GBE1: variants seen among roughly 807,000 people sequenced by gnomAD.
GBE1 encodes 1,4-alpha-glucan branching enzyme 1, also known as 1,4-alpha-glucan-branching enzyme.
In GBE1, 70 loss-of-function variants were observed where a neutral mutation model predicts 88.8. The ratio of observed to expected loss-of-function variants is 0.79; its 90% CI spans 0.65 to 0.96. The LOEUF (loss-of-function observed/expected upper bound fraction) is 0.96, where lower values mean the gene tolerates loss of function less well. GBE1 is among the 40% of genes least tolerant of loss of function. The probability of loss-of-function intolerance (pLI) is 0.00; values close to 1 mark genes in which losing one functional copy is unlikely to be tolerated. For missense variants in GBE1, 872 were observed against 871.0 expected (o/e 1.00, Z -0.01); for synonymous variants, 284 against 300.1 (o/e 0.95, Z 0.56).
At chr3:81,520,650 T>G (rs1342432334) in intron 14 of GBE1, among the ~76,000 whole-genome samples, 1 of 151,648 alleles carries the variant, frequency 6.6e-6, no homozygotes, top group African/African-American at 2.4e-5. Context: ...CTTAAGTGAA[T>G]ATAATACATC....
chr3:81,738,526 GT>G lies in GBE1; in HGVS notation c.143+22848del, dbSNP rs145428166. Among the ~76,000 whole-genome samples, 9 of 146,922 alleles carry G rather than the reference GT, an allele frequency of 6.1e-5. No homozygotes were observed. The South Asian group carries it at 6.5e-4, about 11-fold the overall frequency. On this transcript the variant is annotated intron_variant, in intron 1 of 15. Coordinates refer to ENST00000429644, the MANE Select transcript of GBE1 (RefSeq NM_000158.4). The stretch of plus-strand genomic sequence containing the variant: ...CAGTGATGGTGAGCAAAAAATGTGT[GT>G]TTTTTTTTTAAAAAAAAAGACTCTT...
At chr3:81,757,447 A>G (rs986012371) in intron 1 of GBE1, among the ~76,000 whole-genome samples, 1 of 152,206 alleles carries the variant, frequency 6.6e-6, no homozygotes, top group Non-Finnish European at 1.5e-5. Context: ...AGAAGTTAGA[A>G]TGGAGTGAAG....
intron 2 of GBE1, 94 bp downstream of exon 2, chr3:81,705,350 A>C: frequency 1.1e-6 from 1 of 935,128 alleles, no homozygotes; most frequent in Non-Finnish European, 1.5e-6. Context: ...TAATCATTAA[A>C]GTTCATATGG....
intron 1 of GBE1, among the ~76,000 whole-genome samples, chr3:81,731,351 A>G (rs75149585): frequency 1.3e-5 from 2 of 152,166 alleles, no homozygotes; most frequent in East Asian, 3.9e-4. Flanking sequence ...CTTGTTTCAC[A>G]TTAGGTGAAT....
chr3:81,680,494 CAAA>C (rs10711455), intron 2 of GBE1, among the ~76,000 whole-genome samples: 8 of 94,698 alleles, frequency 8.4e-5, no homozygotes, highest in Admixed American at 1.1e-4. Context: ...GACTCCGTCT[CAAA>C]AAAAAAAAAA....
chr3:81,710,626 C>T (rs369988173), intron 1 of GBE1, among the ~76,000 whole-genome samples: 10 of 152,032 alleles, frequency 6.6e-5, no homozygotes, highest in African/African-American at 1.9e-4. Context: ...TCGGGGGAAC[C>T]TCATAGATTG....
chr3:81,665,226 G>T (rs1454560031), intron 3 of GBE1, among the ~76,000 whole-genome samples: 3 of 152,054 alleles, frequency 2.0e-5, no homozygotes, highest in Non-Finnish European at 4.4e-5. Context: ...AAAATTACTA[G>T]ATTGATGTTA....
chr3:81,596,638 AC>A (rs1703960315), intron 7 of GBE1, among the ~76,000 whole-genome samples: 1 of 151,956 alleles, frequency 6.6e-6, no homozygotes, highest in Non-Finnish European at 1.5e-5. Flanking sequence ...ATTATAAAAT[AC>A]TTAGGACACA....
intron 2 of GBE1, among the ~76,000 whole-genome samples, chr3:81,679,175 T>C (rs1705303554): frequency 6.6e-6 from 1 of 152,186 alleles, no homozygotes; most frequent in South Asian, 2.1e-4. Flanking sequence ...TAAAAATGAA[T>C]GTTATGAGGT....
intron 12 of GBE1, among the ~76,000 whole-genome samples, chr3:81,566,027 G>A (rs747946836): frequency 1.3e-5 from 2 of 152,130 alleles, no homozygotes; most frequent in Non-Finnish European, 2.9e-5. Context: ...AGCCCCATTC[G>A]GGTTTGCTTT....
chr3:81,654,322 A>G (rs939470603), intron 3 of GBE1, among the ~76,000 whole-genome samples: 1 of 150,134 alleles, frequency 6.7e-6, no homozygotes, highest in Non-Finnish European at 1.5e-5. Context: ...AAGACAAAAA[A>G]GTGTGTGTGT....
At chr3:81,512,213 A>C (rs1702734967) in intron 14 of GBE1, among the ~76,000 whole-genome samples, 1 of 151,798 alleles carries the variant, frequency 6.6e-6, no homozygotes. Context: ...AGTGGGATGG[A>C]GGCAGTGTCT....
intron 2 of GBE1, among the ~76,000 whole-genome samples, chr3:81,703,526 T>C (rs187074065): frequency 1.3e-5 from 2 of 152,158 alleles, no homozygotes; most frequent in African/African-American, 2.4e-5. Context: ...AACTGAATTT[T>C]ATATTTTATT....
intron 12 of GBE1, among the ~76,000 whole-genome samples, chr3:81,576,906 T>C (rs1451537237): frequency 1.3e-5 from 2 of 152,086 alleles, no homozygotes; most frequent in African/African-American, 4.8e-5. Context: ...TGAGATTTCT[T>C]ACAAAAATTT....
chr3:81,736,198 A>G (rs1313067509), intron 1 of GBE1, among the ~76,000 whole-genome samples: 1 of 152,190 alleles, frequency 6.6e-6, no homozygotes, highest in African/African-American at 2.4e-5. Context: ...GTCCTCTGGA[A>G]TCTCAGAAGG....
intron 1 of GBE1, among the ~76,000 whole-genome samples, chr3:81,725,038 T>C (rs1575767136): frequency 1.3e-5 from 2 of 152,290 alleles, no homozygotes; most frequent in South Asian, 4.1e-4. Flanking sequence ...AAAAACCTTT[T>C]CATATAATTA....
chr3:81,720,475 A>C (rs1270850837), intron 1 of GBE1, among the ~76,000 whole-genome samples: 1 of 152,024 alleles, frequency 6.6e-6, no homozygotes, highest in Non-Finnish European at 1.5e-5. Context: ...TGGCAAGTAC[A>C]GTGGTCCTCT....
In GBE1 at chr3:81,544,197, G is replaced by C. The variant is rs111816310; in HGVS notation, c.1619-7102C>G. 8.6e-3 allele frequency among the ~76,000 whole-genome samples: 1,305 copies of C among 152,196 alleles called. 17 individuals are homozygous for C. Among genetic ancestry groups the C allele is most frequent in the African/African-American group, 0.029 (1,197 of 41,544 alleles). On this transcript the variant is annotated intron_variant, in intron 12 of 15. Coordinates refer to ENST00000429644, the MANE Select transcript of GBE1 (RefSeq NM_000158.4). ...AAGAAAAGTAGAAAGCTAAGTTAAA[G>C]GAAGCATTTTTAAAACCTTTGGCTG... is the stretch of plus-strand genomic sequence containing the variant.
intron 1 of GBE1, among the ~76,000 whole-genome samples, chr3:81,723,864 T>C (rs1227657540): frequency 6.6e-6 from 1 of 152,232 alleles, no homozygotes; most frequent in African/African-American, 2.4e-5. Flanking sequence ...CTTTGCTTCC[T>C]GCTCACGGCC....
Sources: allele counts gnomAD v4.1 joint callset (sites outside exome capture counted in the v4.1 genomes callset), GRCh38; gene constraint gnomAD v4.1.1; transcripts MANE v1.5; gene names NCBI Gene and HGNC (gene_info 2026-07-23, HGNC 2026-07-21).